NME7: variants seen among roughly 807,000 people sequenced by gnomAD.
NME7 encodes the protein NME/NM23 family member 7.
Under a neutral mutation model 49.1 loss-of-function variants are expected in NME7, and 41 were observed. The observed-to-expected ratio is 0.83, with a 90% CI of 0.65 to 1.08. The LOEUF (loss-of-function observed/expected upper bound fraction) is 1.08, where lower values mean the gene tolerates loss of function less well. Ranked by LOEUF, NME7 falls within the 50% of genes least tolerant of loss-of-function variation. The pLI is 0.00. For missense variants in NME7, 423 were observed against 463.4 expected, an observed-to-expected ratio of 0.91 and a Z score of 0.80; for synonymous variants, 139 against 150.6, an observed-to-expected ratio of 0.92 and a Z score of 0.56.
chr1:169,324,771 A>C (rs1200211325), intron 1 of NME7, among the ~76,000 whole-genome samples: 1 of 152,256 alleles, frequency 6.6e-6, no homozygotes, highest in Non-Finnish European at 1.5e-5. Flanking sequence ...TGAGTAAATT[A>C]ACGTTTTCTG....
At chr1:169,323,334 A>G (rs770827153) in intron 2 of NME7, 51 bp from the exon 3 acceptor site, 10 of 1,397,102 alleles carry the variant, frequency 7.2e-6, no homozygotes, top group Non-Finnish European at 8.5e-6. Flanking sequence ...GTTATGAATA[A>G]GGAAAGTTAA....
intron 10 of NME7, among the ~76,000 whole-genome samples, chr1:169,207,746 G>A (rs1660712253): frequency 6.6e-6 from 1 of 152,022 alleles, no homozygotes; most frequent in Non-Finnish European, 1.5e-5. Context: ...AAATTCAAAA[G>A]CAGGAAAGCA....
chr1:169,157,099 T>C lies in NME7; in HGVS notation c.1098+12348A>G, dbSNP rs554727907. Among the ~76,000 whole-genome samples the C allele has an allele frequency of 2.0e-5, 3 of 152,284 alleles. No individual in the cohort carries two copies. In the East Asian group the frequency reaches 5.8e-4, roughly 29 times the overall value. On this transcript the variant is annotated intron_variant, in intron 11 of 11. Coordinates refer to ENST00000367811, the MANE Select transcript of NME7 (RefSeq NM_013330.5). ...CATTTTTGGGATGCTGCAGTGGACT[T>C]TTCTGGCAACTGGCAGGTGGAGGGA...
Position 169,342,578 on chromosome 1 carries a change from A to G in NME7, c.4-18078T>C, listed in dbSNP as rs200984189. ...ATATATACAAGTACATATATATAGTATATATATATATACAAGTACATATAT... is the reference window on the plus strand; with the variant it reads ...ATATATACAAGTACATATATATAGTGTATATATATATACAAGTACATATAT... On this transcript the variant is annotated intron_variant, in intron 1 of 11. Coordinates refer to ENST00000367811, the MANE Select transcript of NME7 (RefSeq NM_013330.5). 1.0e-3 allele frequency among the ~76,000 whole-genome samples: 93 copies of G among 92,818 alleles called. 3 individuals carry two copies. In the East Asian group the frequency reaches 0.025, roughly 25 times the overall value. The allele number at this position is 92,818 out of a possible 152,430, so 60.9% of individuals were successfully genotyped here.
At chr1:169,281,831 G>C (rs546675705) in intron 7 of NME7, among the ~76,000 whole-genome samples, 4 of 152,306 alleles carry the variant, frequency 2.6e-5, no homozygotes, top group African/African-American at 9.6e-5. Context: ...TTTTTGATGT[G>C]CTGCTGGATT....
intron 11 of NME7, among the ~76,000 whole-genome samples, chr1:169,161,210 T>C (rs963156023): frequency 6.6e-6 from 1 of 152,366 alleles, no homozygotes; most frequent in African/African-American, 2.4e-5. Context: ...CTTGCCATTT[T>C]CTACCTCCTG....
chr1:169,287,183 C>T (rs1650307966), intron 7 of NME7, 120 bp downstream of exon 7: 1 of 849,406 alleles, frequency 1.2e-6, no homozygotes, highest in Admixed American at 2.3e-5. Flanking sequence ...CAAGTGCCTT[C>T]AAAGAAAAAA....
rs116279422 is a variant in NME7 at position 169,306,500 on chromosome 1, A to G, written c.390-3305T>C. ...AGGGGCTGCAATAGGAATTATAAGG[A>G]GAGAATTGCTCCCAGAGATATACAG... On this transcript the variant is annotated intron_variant, in intron 4 of 11. Transcript: ENST00000367811. 6.2e-3 allele frequency among the ~76,000 whole-genome samples: 945 copies of G among 152,314 alleles called. 10 individuals are homozygous for G. Among genetic ancestry groups the G allele is most frequent in the African/African-American group, 0.021 (890 of 41,564 alleles).
chr1:169,322,559 A>T (rs1651891720), intron 3 of NME7: 1 of 152,042 alleles, frequency 6.6e-6, no homozygotes, highest in South Asian at 2.1e-4. Flanking sequence ...GTTATGAATA[A>T]GATACATCAG....
chr1:169,133,100 GTTGT>G (rs1202777177), intron 11 of NME7, among the ~76,000 whole-genome samples: 2 of 151,556 alleles, frequency 1.3e-5, no homozygotes, highest in Non-Finnish European at 1.5e-5. Flanking sequence ...AAAAAAAAAA[GTTGT>G]TAGCACTTCA....
At position 169,324,431 on chromosome 1, in the gene NME7, C is replaced by T. The variant is rs1436937162; in HGVS notation, c.73G>A (p.Glu25Lys). 1.2e-6 allele frequency: 2 copies of T among 1,613,282 alleles called. No individual in the cohort carries two copies. The highest frequency in any genetic ancestry group is 1.1e-5 in the South Asian group (1 of 91,062). The change falls in exon 2 of 12, where the codon GAG becomes AAG. Residue 25 changes from glutamate (E) to lysine (K), a missense_variant. Transcript: ENST00000367811. Reference sequence around the variant, plus strand: ...CCATCCCCTGGGTAAAATAAAAGCTCATAACGTCGAAGAAGTGAAGCATTT... The same window carrying T: ...CCATCCCCTGGGTAAAATAAAAGCTTATAACGTCGAAGAAGTGAAGCATTT... ...DPNASLLRRY[E>K]LLFYPGDGSV... is the part of the protein sequence containing the mutation.
chr1:169,160,117 G>GAGAC (rs1659201995), intron 11 of NME7, among the ~76,000 whole-genome samples: 1 of 152,070 alleles, frequency 6.6e-6, no homozygotes, highest in South Asian at 2.1e-4. Context: ...CAGTGACACA[G>GAGAC]CTCTTTCCCT....
At chr1:169,221,413 C>T (rs1386612852) in intron 10 of NME7, among the ~76,000 whole-genome samples, 10 of 152,074 alleles carry the variant, frequency 6.6e-5, no homozygotes, top group African/African-American at 2.4e-4. Flanking sequence ...CTGACCTTAT[C>T]TTCTACCTTG....
chr1:169,179,141 T>C (rs12751804), intron 10 of NME7, among the ~76,000 whole-genome samples: 1 of 152,108 alleles, frequency 6.6e-6, no homozygotes, highest in Non-Finnish European at 1.5e-5. Flanking sequence ...TGTATAGCAG[T>C]GAAGTTATAA....
At chr1:169,323,401 T>C (rs1651930175) in intron 2 of NME7, 118 bp from the exon 3 acceptor site, 1 of 776,708 alleles carries the variant, frequency 1.3e-6, no homozygotes, top group Admixed American at 3.5e-5. Flanking sequence ...TAGGTTATAT[T>C]CTGTTTCTTT....
chr1:169,233,191 C>T (rs1259671810), intron 9 of NME7, among the ~76,000 whole-genome samples: 2 of 151,888 alleles, frequency 1.3e-5, no homozygotes, highest in East Asian at 3.9e-4. Context: ...CAACAGCACA[C>T]AGAATAATAG....
chr1:169,330,749 C>A (rs946153722), intron 1 of NME7, among the ~76,000 whole-genome samples: 7 of 152,044 alleles, frequency 4.6e-5, no homozygotes, highest in Non-Finnish European at 8.8e-5. Context: ...GTGGCTACTA[C>A]AAGCAACTAT....
chr1:169,226,956 C>T (rs907090132), intron 10 of NME7, among the ~76,000 whole-genome samples: 4 of 152,096 alleles, frequency 2.6e-5, no homozygotes, highest in Non-Finnish European at 5.9e-5. Context: ...AGACAAGATT[C>T]AGGGCCCTGA....
chr1:169,214,280 C>T (rs1181244517), intron 10 of NME7, among the ~76,000 whole-genome samples: 3 of 152,130 alleles, frequency 2.0e-5, no homozygotes, highest in Non-Finnish European at 4.4e-5. Context: ...CATTGTTAGC[C>T]CCTTTGAAAA....
Sources: allele counts gnomAD v4.1 joint callset (sites outside exome capture counted in the v4.1 genomes callset), GRCh38; gene constraint gnomAD v4.1.1; transcripts MANE v1.5; gene names NCBI Gene and HGNC (gene_info 2026-07-23, HGNC 2026-07-21).